The following SLCO1B3 variants were observed in gnomAD, a reference collection of about 807,000 sequenced individuals.
The protein encoded by SLCO1B3 is solute carrier organic anion transporter family member 1B3.
Under a neutral mutation model 71.8 loss-of-function variants are expected in SLCO1B3, and 72 were observed. The observed-to-expected ratio is 1.00, with a 90% confidence interval of 0.83 to 1.22. The LOEUF is 1.22. SLCO1B3 is among the 50% of genes most tolerant of loss of function. SLCO1B3 has a pLI of 0.00. For synonymous variants in SLCO1B3, 298 were observed against 278.4 expected, an observed-to-expected ratio of 1.07 and a Z score of -0.70; for missense variants, 911 against 819.7, an observed-to-expected ratio of 1.11 and a Z score of -1.36.
chr12:20,824,541 T>C (rs1864383097), intron 3 of SLCO1B3, among the ~76,000 whole-genome samples: 1 of 152,200 alleles, frequency 6.6e-6, no homozygotes, highest in Admixed American at 6.5e-5. Flanking sequence ...AAGACACCAT[T>C]GACAAGTAAA....
At chr12:20,894,732 A>G (rs1172274125) in intron 13 of SLCO1B3, among the ~76,000 whole-genome samples, 2 of 152,178 alleles carry the variant, frequency 1.3e-5, no homozygotes, top group Non-Finnish European at 2.9e-5. Context: ...TAATAACTAA[A>G]TAGATAAGTT....
At chr12:20,895,343 G>T (rs1256800609) in intron 13 of SLCO1B3, among the ~76,000 whole-genome samples, 1 of 152,122 alleles carries the variant, frequency 6.6e-6, no homozygotes, top group Non-Finnish European at 1.5e-5. Flanking sequence ...CTATGCACTT[G>T]TAAAAACAAA....
chr12:20,909,669 AT>A (rs1352239832), intron 15 of SLCO1B3, among the ~76,000 whole-genome samples: 4 of 151,820 alleles, frequency 2.6e-5, no homozygotes, highest in Non-Finnish European at 5.9e-5. Context: ...CTCTCATCTT[AT>A]CCTTTTGACA....
At chr12:20,827,851 A>C (rs1030013446) in intron 3 of SLCO1B3, among the ~76,000 whole-genome samples, 1 of 152,178 alleles carries the variant, frequency 6.6e-6, no homozygotes, top group Non-Finnish European at 1.5e-5. Context: ...TACAGGTGTG[A>C]GCCACGGTGC....
chr12:20,825,682 C>G (rs1215299375), intron 3 of SLCO1B3, among the ~76,000 whole-genome samples: 2 of 151,152 alleles, frequency 1.3e-5, no homozygotes, highest in Non-Finnish European at 2.9e-5. Context: ...GCCTGTAATC[C>G]CAGCTGCTCA....
chr12:20,895,522 A>G (rs11045589), intron 13 of SLCO1B3, among the ~76,000 whole-genome samples: 2,804 of 152,246 alleles, frequency 0.018, 79 homozygotes, highest in East Asian at 0.098. Context: ...CTTTGACTCC[A>G]TGTCTCACAT....
intron 1 of SLCO1B3, among the ~76,000 whole-genome samples, chr12:20,810,969 A>G (rs1407718503): frequency 6.6e-6 from 1 of 152,200 alleles, no homozygotes; most frequent in Non-Finnish European, 1.5e-5. Context: ...ATACTCAAAA[A>G]TAAGAGTAAA....
At chr12:20,888,733 C>T (rs779445033) in intron 13 of SLCO1B3, among the ~76,000 whole-genome samples, 27 of 151,872 alleles carry the variant, frequency 1.8e-4, no homozygotes, top group East Asian at 3.9e-4. Flanking sequence ...ACGTTGAATA[C>T]GAGTAGTGAA....
chr12:20,881,046 C>G, intron 12 of SLCO1B3, 26 bp downstream of exon 12: 1 of 1,506,174 alleles, frequency 6.6e-7, no homozygotes. Context: ...CACTTTTTCT[C>G]CTCTCCTTAA....
At chr12:20,853,514 C>A (rs1408881759) in intron 3 of SLCO1B3, among the ~76,000 whole-genome samples, 2 of 152,020 alleles carry the variant, frequency 1.3e-5, no homozygotes, top group Admixed American at 1.3e-4. Flanking sequence ...AGTTTGTTGG[C>A]TTATAATTGT....
rs746981100 is a variant in SLCO1B3 at position 20,855,015 on chromosome 12, CT to C, written c.85-12del. On this transcript the variant is annotated splice_polypyrimidine_tract_variant and intron_variant, in intron 3 of 15. Transcript: ENST00000381545. ...GATTAACCAATTTTCATTTTTTCTT[CT>C]ATTGTTTTTAGATGTTCTTGGCAGC... is the stretch of plus-strand genomic sequence containing the variant. 3 of 1,604,024 alleles carry C rather than the reference CT, an allele frequency of 1.9e-6. No homozygotes were observed. Among genetic ancestry groups the C allele is most frequent in the Non-Finnish European group, 2.5e-6 (3 of 1,177,486 alleles).
intron 8 of SLCO1B3, among the ~76,000 whole-genome samples, chr12:20,867,764 G>A (rs1214267115): frequency 2.0e-5 from 3 of 152,228 alleles, no homozygotes; most frequent in Admixed American, 2.0e-4. Flanking sequence ...AAATGATAAA[G>A]TAACAAAGTC....
intron 3 of SLCO1B3, 95 bp from the exon 4 acceptor site, chr12:20,854,933 A>C: frequency 8.7e-7 from 1 of 1,152,466 alleles, no homozygotes; most frequent in Non-Finnish European, 1.2e-6. Context: ...AATGTTTTCG[A>C]GTAAAGAAGA....
chr12:20,875,808 CATTT>C (rs1865569131), intron 9 of SLCO1B3, among the ~76,000 whole-genome samples: 1 of 151,880 alleles, frequency 6.6e-6, no homozygotes, highest in Non-Finnish European at 1.5e-5. Context: ...ATTTTTCATT[CATTT>C]ATTTATTTAA....
At chr12:20,869,534 G>A (rs1378118102) in intron 8 of SLCO1B3, among the ~76,000 whole-genome samples, 1 of 152,124 alleles carries the variant, frequency 6.6e-6, no homozygotes, top group Non-Finnish European at 1.5e-5. Context: ...AACAGCTCGT[G>A]TCCTTGGTCT....
intron 13 of SLCO1B3, among the ~76,000 whole-genome samples, chr12:20,885,786 T>C (rs987556695): frequency 5.3e-5 from 8 of 151,848 alleles, no homozygotes; most frequent in Non-Finnish European, 1.0e-4. Flanking sequence ...GCTAGCGTGA[T>C]CCAGATTATA....
chr12:20,849,372 C>T (rs1347798547), intron 3 of SLCO1B3, among the ~76,000 whole-genome samples: 1 of 151,716 alleles, frequency 6.6e-6, no homozygotes, highest in African/African-American at 2.4e-5. Flanking sequence ...ACACAAACAC[C>T]CAGAAAACTA....
intron 15 of SLCO1B3, among the ~76,000 whole-genome samples, chr12:20,903,460 T>A (rs996512649): frequency 2.6e-5 from 4 of 151,814 alleles, no homozygotes; most frequent in Non-Finnish European, 5.9e-5. Context: ...AGAAAAGAGG[T>A]TTAATTAACT....
chr12:20,812,820 A>C (rs1218461815), intron 1 of SLCO1B3, among the ~76,000 whole-genome samples: 2 of 152,202 alleles, frequency 1.3e-5, no homozygotes, highest in African/African-American at 4.8e-5. Flanking sequence ...TAGTATAAAG[A>C]AAAAGAAAAC....
Sources: allele counts gnomAD v4.1 joint callset (sites outside exome capture counted in the v4.1 genomes callset), GRCh38; gene constraint gnomAD v4.1.1; transcripts MANE v1.5; gene names NCBI Gene and HGNC (gene_info 2026-07-23, HGNC 2026-07-21).